POM121: variants seen among roughly 807,000 people sequenced by gnomAD.
POM121 encodes the protein nuclear envelope pore membrane protein POM 121.
A neutral mutation model predicts 81.3 loss-of-function variants in POM121; 32 were observed. That is an observed-to-expected ratio of 0.39 (90% CI 0.30 to 0.53). The LOEUF is 0.53. POM121 is among the 20% of genes least tolerant of loss of function. POM121 has a pLI of 0.66. For missense variants in POM121, 1,138 were observed against 1,614.6 expected (o/e 0.70, Z 5.06); for synonymous variants, 514 against 694.2 (o/e 0.74, Z 4.08).
In POM121 at chr7:72,926,375, A is replaced by G. The variant is rs782620820; in HGVS notation, c.758A>G (p.Tyr253Cys). 3.7e-6 allele frequency: 6 copies of G among 1,613,970 alleles called. No individual in the cohort carries two copies. The highest frequency in any genetic ancestry group is 5.1e-6 in the Non-Finnish European group (6 of 1,179,850). ...CTTCCCACCGTGTGCTGGAATGGTTATCACAAGAAGGCTGTGCTGTCCCCT... is the reference window on the plus strand; with the variant it reads ...CTTCCCACCGTGTGCTGGAATGGTTGTCACAAGAAGGCTGTGCTGTCCCCT... Reference protein sequence around the residue: ...GVLPTVCWNGYHKKAVLSPRN... With the variant: ...GVLPTVCWNGCHKKAVLSPRN... The change falls in exon 2 of 13, where the codon TAT becomes TGT. Residue 253 changes from tyrosine (Y) to cysteine (C), a missense_variant. Physicochemically the swap from Tyr to Cys is radical, Grantham distance 194. This residue lies in a region of POM121 where 646 missense variants were observed against 633.5 expected (regional missense o/e 1.02). Transcript: ENST00000434423.
At chr7:72,884,401 A>C (rs1175102755) in intron 1 of POM121, among the ~76,000 whole-genome samples, 3 of 151,658 alleles carry the variant, frequency 2.0e-5, no homozygotes, top group Non-Finnish European at 2.9e-5. Flanking sequence ...AAGTGGTTCC[A>C]TCTTTGGCCA....
intron 4 of POM121, among the ~76,000 whole-genome samples, chr7:72,919,205 CTTTTTTTTT>C (rs782471353): frequency 6.3e-5 from 7 of 111,378 alleles, no homozygotes; most frequent in African/African-American, 2.1e-4. Flanking sequence ...CATGCCCAGC[CTTTTTTTTT>C]TTTTTTTTTT....
upstream of POM121, chr7:72,924,726 C>T (rs1176031550): frequency 1.6e-5 from 3 of 188,132 alleles, no homozygotes; most frequent in Non-Finnish European, 3.2e-5. Context: ...CAATTTGTAA[C>T]ATAGAAATGG....
chr7:72,912,815 G>A (rs1793934395), intron 3 of POM121, among the ~76,000 whole-genome samples: 1 of 152,152 alleles, frequency 6.6e-6, no homozygotes, highest in Non-Finnish European at 1.5e-5. Context: ...AGTTGAGTCA[G>A]GGCATTTCCC....
chr7:72,896,883 C>G (rs1792013618), intron 3 of POM121, among the ~76,000 whole-genome samples: 3 of 152,402 alleles, frequency 2.0e-5, no homozygotes, highest in African/African-American at 7.2e-5. Flanking sequence ...ACACGTTACC[C>G]TAATAATTAT....
chr7:72,925,246 T>C lies in POM121; in HGVS notation c.125T>C (p.Val42Ala). ...ARAVLLGLSL[V>A]GLLLYLVPAA... is the part of the protein sequence containing the mutation. ...GCGGTGCTCCTGGGCCTGTCGCTGG[T>C]TGGCCTCTTACTGTACCTCGTGCCG... The change falls in exon 1 of 13, where the codon GTT becomes GCT. Residue 42 changes from valine to alanine, a missense_variant. Val to Ala is a moderately conservative substitution (Grantham distance 64). Around this residue, in one of 7 missense-constraint regions of POM121, gnomAD observed 646 missense variants for 633.5 expected, o/e 1.02. Coordinates refer to ENST00000434423, the MANE Select transcript of POM121 (RefSeq NM_001387691.1). The C allele has an allele frequency of 6.5e-7, 1 of 1,533,978 alleles. No individual in the cohort carries two copies. The highest frequency in any genetic ancestry group is 8.7e-7 in the Non-Finnish European group (1 of 1,146,164).
rs369784816 is a variant in POM121 at position 72,891,929 on chromosome 7, C to T, written c.-216+819C>T. On this transcript the variant is annotated intron_variant, in intron 3 of 15. Coordinates refer to the POM121 transcript ENST00000395270. ...GAATTGAGTCACAGCTTGTGGTGTA[C>T]GTTATTTCCCCAAGTCCATGCTCAG... Among the ~76,000 whole-genome samples, 20 of 152,268 alleles carry T rather than the reference C, an allele frequency of 1.3e-4. No individual in the cohort carries two copies. The East Asian group carries it at 3.1e-3, about 24-fold the overall frequency.
At chr7:72,933,359 A>G (rs1468318102) in intron 5 of POM121, among the ~76,000 whole-genome samples, 1 of 152,184 alleles carries the variant, frequency 6.6e-6, no homozygotes, top group African/African-American at 2.4e-5. Flanking sequence ...TCTCAAAGAA[A>G]AAAAGGTATC....
Position 72,930,102 on chromosome 7 carries a change from C to T in POM121, c.1266C>T (p.Gly422=), listed in dbSNP as rs1795865143. Residue 422 remains glycine (G), a synonymous_variant, in exon 5 of 13, where the codon GGC becomes GGT. Coordinates refer to ENST00000434423, the MANE Select transcript of POM121 (RefSeq NM_001387691.1). ...AITSSYSSTR[G]ISQLWKRNGP... ...CCAGTTCCTACAGCTCCACTCGAGG[C>T]ATCTCACAGGTACAAGTACAGCTCT... is the stretch of plus-strand genomic sequence containing the variant. The T allele has an allele frequency of 1.2e-6, 2 of 1,610,340 alleles. No individual in the cohort carries two copies. The highest frequency in any genetic ancestry group is 1.7e-6 in the Non-Finnish European group (2 of 1,178,350).
In POM121 at chr7:72,946,452, C is replaced by G. The variant is rs1062883; in HGVS notation, c.*218C>G. 4.3e-6 allele frequency: 6 copies of G among 1,394,552 alleles called. No individual in the cohort carries two copies. In the African/African-American group the frequency reaches 7.3e-5, roughly 17 times the overall value. The allele number at this position is 1,394,552 out of a possible 1,614,324, so 86.4% of individuals were successfully genotyped here. ...AAGCAGGATGCGGAGGGCCAAAGCCCGGGACCTCTACTTGAACAGTTCTAC... is the reference window on the plus strand; with the variant it reads ...AAGCAGGATGCGGAGGGCCAAAGCCGGGGACCTCTACTTGAACAGTTCTAC... On this transcript the variant is annotated 3_prime_UTR_variant, in exon 13 of 13. Transcript: ENST00000434423.
chr7:72,904,612 T>C (rs572229769), intron 3 of POM121, among the ~76,000 whole-genome samples: 2 of 152,304 alleles, frequency 1.3e-5, no homozygotes, highest in East Asian at 3.9e-4. Context: ...CACTGAACTA[T>C]GGAAGGTTGT....
chr7:72,902,488 C>A (rs1792781450), intron 3 of POM121, among the ~76,000 whole-genome samples: 1 of 149,956 alleles, frequency 6.7e-6, no homozygotes, highest in Non-Finnish European at 1.5e-5. Flanking sequence ...TATTTTTTTC[C>A]TTTTTTATTT....
chr7:72,928,218 A>G (rs1449875834), intron 3 of POM121, among the ~76,000 whole-genome samples, 167 bp from the exon 4 acceptor site: 1 of 152,230 alleles, frequency 6.6e-6, no homozygotes, highest in Non-Finnish European at 1.5e-5. Flanking sequence ...CTGAAAAAAA[A>G]AAAATTTACC....
intron 3 of POM121, among the ~76,000 whole-genome samples, chr7:72,908,565 G>T (rs1397374376): frequency 2.0e-5 from 3 of 152,154 alleles, no homozygotes; most frequent in Non-Finnish European, 4.4e-5. Context: ...AAATTTATTA[G>T]GCGGGAATTT....
chr7:72,896,705 T>C (rs1791987060), intron 3 of POM121, among the ~76,000 whole-genome samples: 1 of 149,836 alleles, frequency 6.7e-6, no homozygotes, highest in Non-Finnish European at 1.5e-5. Flanking sequence ...TTGCAGTAAA[T>C]GATCCATTCT....
chr7:72,886,935 G>A (rs1790777251), intron 1 of POM121, among the ~76,000 whole-genome samples: 1 of 150,908 alleles, frequency 6.6e-6, no homozygotes, highest in South Asian at 2.1e-4. Flanking sequence ...TTGGGTTTAT[G>A]GTGTCATCAC....
At position 72,925,415 on chromosome 7, in the gene POM121, G is replaced by A. The variant is rs1795299318; in HGVS notation, c.294G>A (p.Lys98=). 2.0e-6 allele frequency: 3 copies of A among 1,532,688 alleles called. No homozygotes were observed. The allele number at this position is 1,532,688 out of a possible 1,614,324, so 94.9% of individuals were successfully genotyped here. ...HRRPLSSFVR[K]ARHRRTLFAS... Reference sequence around the variant, plus strand: ...GCCCCTTGTCCTCCTTCGTTCGGAAGGCGCGTCATCGGCGAACACTGTTCG... The same window carrying A: ...GCCCCTTGTCCTCCTTCGTTCGGAAAGCGCGTCATCGGCGAACACTGTTCG... Residue 98 remains lysine (K), a synonymous_variant, in exon 1 of 13, where the codon AAG becomes AAA. Coordinates refer to ENST00000434423, the MANE Select transcript of POM121 (RefSeq NM_001387691.1).
In POM121 at chr7:72,925,355, C is replaced by T. The variant is rs1398976939; in HGVS notation, c.234C>T (p.Pro78=). ...GLSREPRGSR[P]LSSFVRKARH... ...GCCGCGAGCCCCGAGGTTCGCGCCC[C>T]TTGTCCTCCTTCGTTCGGAAGGCGC... The change falls in exon 1 of 13, where the codon CCC becomes CCT. Residue 78 remains proline, a synonymous_variant. Coordinates refer to ENST00000434423, the MANE Select transcript of POM121 (RefSeq NM_001387691.1). 2 of 1,523,038 alleles carry T rather than the reference C, an allele frequency of 1.3e-6. No individual in the cohort carries two copies. Among genetic ancestry groups the T allele is most frequent in the African/African-American group, 1.4e-5 (1 of 72,794 alleles). 94.3% of individuals were successfully genotyped at this position (1,523,038 alleles called of 1,614,324 possible).
chr7:72,928,220 A>G, intron 3 of POM121, among the ~76,000 whole-genome samples, 165 bp from the exon 4 acceptor site: 1 of 152,236 alleles, frequency 6.6e-6, no homozygotes, highest in South Asian at 2.1e-4. Flanking sequence ...GAAAAAAAAA[A>G]AATTTACCTT....
Sources: allele counts gnomAD v4.1 joint callset (sites outside exome capture counted in the v4.1 genomes callset), GRCh38; gene constraint gnomAD v4.1.1; regional missense constraint gnomAD v4.1.1; transcripts MANE v1.5; gene names NCBI Gene and HGNC (gene_info 2026-07-23, HGNC 2026-07-21).